Variants in ZC3H4 observed in about 807,000 individuals in gnomAD.
ZC3H4 encodes the protein zinc finger CCCH-type containing 4, also known as zinc finger CCCH domain-containing protein 4.
ZC3H4 carries 13 observed loss-of-function variants against 108.3 expected under a neutral mutation model. That is an observed-to-expected ratio of 0.12 (90% CI 0.08 to 0.19). The LOEUF is 0.19. Among genes scored for constraint, ZC3H4 ranks in the 10% least tolerant of loss-of-function variants. The pLI is 1.00. For missense variants in ZC3H4, 1,734 were observed against 1,838.8 expected (o/e 0.94, Z 1.04); for synonymous variants, 917 against 749.6 (o/e 1.22, Z -3.65).
rs185541311 is a variant in ZC3H4 at position 47,082,191 on chromosome 19, A to G, written c.1323T>C (p.Tyr441=). The part of the protein sequence containing the change: ...GFCARAENCP[Y]MHGDFPCKLY... ...GCTGGCACTAAAGGATATCGTGCAT[A>G]TAAGGGCAGTTCTCAGCTCTGGCGC... Residue 441 remains tyrosine (Y), a synonymous_variant, in exon 10 of 15, where the codon TAT becomes TAC. Coordinates refer to ENST00000253048, the MANE Select transcript of ZC3H4 (RefSeq NM_015168.2). The G allele has an allele frequency of 4.3e-5, 69 of 1,613,778 alleles. No individual in the cohort carries two copies. The highest frequency in any genetic ancestry group is 2.0e-4 in the Admixed American group (12 of 60,014).
intron 2 of ZC3H4, among the ~76,000 whole-genome samples, chr19:47,101,250 G>A (rs990644220): frequency 4.0e-5 from 6 of 151,896 alleles, no homozygotes; most frequent in African/African-American, 1.4e-4. Context: ...CGAGAGGATC[G>A]ATTCAGCCAG....
chr19:47,070,103 G>A (rs182119290), intron 13 of ZC3H4, among the ~76,000 whole-genome samples: 8 of 151,906 alleles, frequency 5.3e-5, no homozygotes, highest in South Asian at 2.1e-4. Flanking sequence ...TGACACATGT[G>A]AGCATGGGAG....
Position 47,113,722 on chromosome 19 carries a change from A to C in ZC3H4, c.-8T>G, listed in dbSNP as rs529353450. On this transcript the variant is annotated splice_region_variant and 5_prime_UTR_variant, in exon 1 of 15. Transcript: ENST00000253048. ...CGGAGAGGGAAAAAAAAAATAACCGAAAGCTGGAGGCCAGGTGCCGAGAGT... is the reference window on the plus strand; with the variant it reads ...CGGAGAGGGAAAAAAAAAATAACCGCAAGCTGGAGGCCAGGTGCCGAGAGT... 2.6e-5 allele frequency: 4 copies of C among 152,282 alleles called. No homozygotes were observed. The highest frequency in any genetic ancestry group is 9.6e-5 in the African/African-American group (4 of 41,526). 9.4% of individuals were successfully genotyped at this position (152,282 alleles called of 1,614,324 possible).
At chr19:47,085,514 C>G (rs1055343721) in intron 6 of ZC3H4, 100 bp from the exon 7 acceptor site, 1 of 1,093,220 alleles carries the variant, frequency 9.1e-7, no homozygotes, top group Non-Finnish European at 1.3e-6. Context: ...GGTGACCATC[C>G]AGGGGACTCA....
chr19:47,085,513 C>CCTT, intron 6 of ZC3H4, 99 bp from the exon 7 acceptor site: 16 of 1,099,910 alleles, frequency 1.5e-5, no homozygotes, highest in Non-Finnish European at 1.9e-5. Flanking sequence ...TGGTGACCAT[C>CCTT]CAGGGGACTC....
In ZC3H4 at chr19:47,085,121, T is replaced by TGCCACCTCGGCCTCGGCC; in HGVS notation, c.1024_1041dup (p.Gly342_Gly347dup). On this transcript the variant is annotated inframe_insertion, in exon 8 of 15. Transcript: ENST00000253048. ...CCGCCCTTGTTCATCCCTCCTCGGC[T>TGCCACCTCGGCCTCGGCC]GCCACCTCGGCCTCGGCCCCGACCC... 6.2e-7 allele frequency: 1 copy of TGCCACCTCGGCCTCGGCC among 1,614,228 alleles called. No homozygotes were observed. The highest frequency in any genetic ancestry group is 8.5e-7 in the Non-Finnish European group (1 of 1,180,020).
In ZC3H4 at chr19:47,082,229, T is replaced by C. The variant is rs1293864813; in HGVS notation, c.1285A>G (p.Ile429Val). The change falls in exon 10 of 15, where the codon ATC becomes GTC. Residue 429 changes from isoleucine (I) to valine (V), a missense_variant. Transcript: ENST00000253048. ...PKKRELCKFY[I>V]TGFCARAENC... Reference sequence around the variant, plus strand: ...TCAGCTCTGGCGCAAAATCCAGTGATGTAAAACTTGCACAGTTCTCGCTTC... The same window carrying C: ...TCAGCTCTGGCGCAAAATCCAGTGACGTAAAACTTGCACAGTTCTCGCTTC... 1 of 1,613,966 alleles carries C rather than the reference T, an allele frequency of 6.2e-7. No individual in the cohort carries two copies. The highest frequency in any genetic ancestry group is 8.5e-7 in the Non-Finnish European group (1 of 1,179,952).
chr19:47,112,214 G>T (rs959098098), intron 2 of ZC3H4: 1 of 1,159,492 alleles, frequency 8.6e-7, no homozygotes, highest in Non-Finnish European at 1.1e-6. Flanking sequence ...AGCGCCGCGA[G>T]GGGGGGGAAA....
intron 14 of ZC3H4, 84 bp downstream of exon 14, chr19:47,069,008 A>G (rs1189627590): frequency 1.3e-6 from 2 of 1,584,466 alleles, no homozygotes; most frequent in Non-Finnish European, 1.7e-6. Flanking sequence ...CTGACAGGAA[A>G]CCCAACCTGG....
chr19:47,091,933 G>A (rs190643390), intron 4 of ZC3H4, among the ~76,000 whole-genome samples: 325 of 151,952 alleles, frequency 2.1e-3, no homozygotes, highest in African/African-American at 7.3e-3. Flanking sequence ...AGTCGGCTGC[G>A]CATGGTGGCT....
rs574398216 is a variant in ZC3H4, at chr19:47,068,401, G to A, written c.2399-532C>T. 3.4e-4 allele frequency among the ~76,000 whole-genome samples: 52 copies of A among 152,346 alleles called. No individual in the cohort carries two copies. In the South Asian group the frequency reaches 5.0e-3, roughly 15 times the overall value. On this transcript the variant is annotated intron_variant, in intron 14 of 14. Transcript: ENST00000253048. ...GAGACACTTGACCCCAAACCGGCTC[G>A]TGATGTCCCCATGTCCCAGGGAGGG...
Position 47,089,992 on chromosome 19 carries a change from G to C in ZC3H4, c.690C>G (p.Ala230=). 1 of 1,614,180 alleles carries C rather than the reference G, an allele frequency of 6.2e-7. No individual in the cohort carries two copies. Among genetic ancestry groups the C allele is most frequent in the South Asian group, 1.1e-5 (1 of 91,088 alleles). ...FTKELNQYRR[A]KEGSSRGRGS... ...CTCGGCCGCGGCTGCTGCCCTCCTTGGCACGCCGGTACTGGTTCAGCTCTT... is the reference window on the plus strand; with the variant it reads ...CTCGGCCGCGGCTGCTGCCCTCCTTCGCACGCCGGTACTGGTTCAGCTCTT... The change falls in exon 5 of 15, where the codon GCC becomes GCG. Residue 230 remains alanine, a synonymous_variant. Coordinates refer to ENST00000253048, the MANE Select transcript of ZC3H4 (RefSeq NM_015168.2).
At chr19:47,100,785 G>A (rs950641217) in intron 2 of ZC3H4, among the ~76,000 whole-genome samples, 1 of 151,938 alleles carries the variant, frequency 6.6e-6, no homozygotes, top group Non-Finnish European at 1.5e-5. Flanking sequence ...TGCAACCTTC[G>A]CCTCCTGGGT....
chr19:47,086,243 A>T, intron 6 of ZC3H4, 141 bp downstream of exon 6: 4 of 926,618 alleles, frequency 4.3e-6, no homozygotes, highest in Non-Finnish European at 6.6e-6. Context: ...AAACACATAC[A>T]TCTGCGCTCT....
rs1240623298 is a variant in ZC3H4, at chr19:47,112,439, G to C, written c.146C>G (p.Pro49Arg). 8.1e-7 allele frequency: 1 copy of C among 1,236,808 alleles called. No homozygotes were observed. The highest frequency in any genetic ancestry group is 1.0e-6 in the Non-Finnish European group (1 of 987,550). 76.6% of individuals were successfully genotyped at this position (1,236,808 alleles called of 1,614,324 possible). Reference sequence around the variant, plus strand: ...GGGGCCTGACCTGTCGTCAGGGAGCGGGAGGCGGTGGTGGAGGAGGTGCGG... The same window carrying C: ...GGGGCCTGACCTGTCGTCAGGGAGCCGGAGGCGGTGGTGGAGGAGGTGCGG... ...ATPHLLHHRL[P>R]LPDDREDGEL... Residue 49 changes from proline (P) to arginine (R), a missense_variant, in exon 2 of 15, where the codon CCG becomes CGG. Transcript: ENST00000253048.
At chr19:47,068,720 G>A (rs2057266844) in intron 14 of ZC3H4, among the ~76,000 whole-genome samples, 1 of 152,198 alleles carries the variant, frequency 6.6e-6, no homozygotes, top group South Asian at 2.1e-4. Context: ...TAATTTCAAT[G>A]ACTAGCTCTT....
In ZC3H4 at chr19:47,110,929, G is replaced by C. The variant is rs183210418; in HGVS notation, c.161+1495C>G. The stretch of plus-strand genomic sequence containing the variant: ...GCACTTGTGTCTCTGAATGTGGGTG[G>C]CATTTCTTTTAAAAGGCAAAGTATG... On this transcript the variant is annotated intron_variant, in intron 2 of 14. Coordinates refer to ENST00000253048, the MANE Select transcript of ZC3H4 (RefSeq NM_015168.2). 101 of 985,292 alleles carry C rather than the reference G, an allele frequency of 1.0e-4. No homozygotes were observed. The African/African-American group carries it at 1.7e-3, about 16-fold the overall frequency. The allele number at this position is 985,292 out of a possible 1,614,324, so 61.0% of individuals were successfully genotyped here.
intron 2 of ZC3H4, among the ~76,000 whole-genome samples, chr19:47,097,454 C>T (rs377309099): frequency 2.6e-5 from 4 of 152,344 alleles, no homozygotes; most frequent in South Asian, 2.1e-4. Flanking sequence ...TGTCCACAGT[C>T]ACCTCAAGGG....
Position 47,086,512 on chromosome 19 carries a change from T to G in ZC3H4, c.742A>C (p.Arg248=). Reference sequence around the variant, plus strand: ...GATCCTCCACGGCTTCCTCGGCCCCTGTAGCCCCGGCCCCGGCCTCGGCTG... The same window carrying G: ...GATCCTCCACGGCTTCCTCGGCCCCGGTAGCCCCGGCCCCGGCCTCGGCTG... The part of the protein sequence containing the change: ...RGSRGRGRGY[R]GRGSRGGSRG... The change falls in exon 6 of 15, where the codon AGG becomes CGG. Residue 248 remains arginine (R), a synonymous_variant. Coordinates refer to ENST00000253048, the MANE Select transcript of ZC3H4 (RefSeq NM_015168.2). The G allele has an allele frequency of 6.2e-7, 1 of 1,601,304 alleles. No homozygotes were observed. The highest frequency in any genetic ancestry group is 1.7e-4 in the Middle Eastern group (1 of 6,040).
Sources: gnomAD v4.1 joint callset for allele counts (sites outside exome capture counted in the v4.1 genomes callset) on GRCh38, gnomAD v4.1.1 for gene constraint, MANE v1.5 for transcripts, NCBI Gene and HGNC (gene_info 2026-07-23, HGNC 2026-07-21) for gene names.